Variants in TMED3 observed in about 807,000 individuals in gnomAD.
The protein encoded by TMED3 is transmembrane p24 trafficking protein 3.
A neutral mutation model predicts 15.0 loss-of-function variants in TMED3; 9 were observed. The observed-to-expected ratio is 0.60, with a 90% CI of 0.36 to 1.04. TMED3 has a LOEUF of 1.04. Ranked by LOEUF, TMED3 falls within the 50% of genes least tolerant of loss-of-function variation. The probability of loss-of-function intolerance (pLI) is 0.01; values close to 1 mark genes in which losing one functional copy is unlikely to be tolerated. For synonymous variants in TMED3, 117 were observed against 121.4 expected (o/e 0.96, Z 0.24); for missense variants, 267 against 278.9 (o/e 0.96, Z 0.30).
At chr15:79,390,651 CA>C (rs779941210) in intron 2 of TMED3, among the ~76,000 whole-genome samples, 2 of 151,998 alleles carry the variant, frequency 1.3e-5, no homozygotes, top group Non-Finnish European at 2.9e-5. Context: ...GGAAGAGTGT[CA>C]AAAGGATTGG....
At chr15:79,318,051 G>C (rs1258335823) in intron 2 of TMED3, among the ~76,000 whole-genome samples, 1 of 152,154 alleles carries the variant, frequency 6.6e-6, no homozygotes. Flanking sequence ...CACCATGTCA[G>C]TCCCTGATCC....
In TMED3 at chr15:79,322,626, GCT is replaced by G. The variant is rs1270079490; in HGVS notation, c.*415_*416del. ...CCTATCCCATATGGAGAAGAAAGGG[GCT>G]CTAAGTTCTGGCTCTTCTTTCTTTG... On this transcript the variant is annotated 3_prime_UTR_variant, in exon 3 of 3. Coordinates refer to ENST00000299705, the MANE Select transcript of TMED3 (RefSeq NM_007364.4). 1 of 994,158 alleles carries G rather than the reference GCT, an allele frequency of 1.0e-6. No individual in the cohort carries two copies. Among genetic ancestry groups the G allele is most frequent in the Non-Finnish European group, 1.2e-6 (1 of 836,370 alleles). 61.6% of individuals were successfully genotyped at this position (994,158 alleles called of 1,614,324 possible). A position where few individuals can be genotyped will look rare whatever the true frequency, so the allele number is the denominator to read the frequency against.
chr15:79,315,128 G>T (rs2058735395), intron 2 of TMED3, among the ~76,000 whole-genome samples: 1 of 152,192 alleles, frequency 6.6e-6, no homozygotes, highest in Admixed American at 6.5e-5. Context: ...TTCCTCTGTG[G>T]CTCTGGGCAC....
intron 2 of TMED3, among the ~76,000 whole-genome samples, chr15:79,330,456 A>G (rs566387881): frequency 1.6e-4 from 25 of 152,278 alleles, no homozygotes; most frequent in African/African-American, 6.0e-4. Context: ...TAAATAAAAT[A>G]CCTAGGTATA....
intron 2 of TMED3, among the ~76,000 whole-genome samples, chr15:79,361,226 G>C (rs1230535859): frequency 6.6e-6 from 1 of 152,054 alleles, no homozygotes; most frequent in Non-Finnish European, 1.5e-5. Flanking sequence ...ATTTGCTGGT[G>C]GTGTGGATTA....
intron 2 of TMED3, among the ~76,000 whole-genome samples, chr15:79,370,490 G>A (rs1360347322): frequency 6.6e-6 from 1 of 151,998 alleles, no homozygotes; most frequent in Non-Finnish European, 1.5e-5. Context: ...TGCTTCCCCG[G>A]TCACATGGGT....
At chr15:79,327,450 G>A (rs2058791456), downstream of TMED3, among the ~76,000 whole-genome samples, 1 of 152,170 alleles carries the variant, frequency 6.6e-6, no homozygotes, top group Non-Finnish European at 1.5e-5. Flanking sequence ...GAACAAAACT[G>A]CAAATACACA....
At chr15:79,336,376 G>A (rs1313942516) in intron 2 of TMED3, among the ~76,000 whole-genome samples, 1 of 152,086 alleles carries the variant, frequency 6.6e-6, no homozygotes, top group African/African-American at 2.4e-5. Flanking sequence ...ACTACATTAG[G>A]GCTGGGCACA....
At chr15:79,324,105 T>C (rs556175927), downstream of TMED3, among the ~76,000 whole-genome samples, 4 of 152,252 alleles carry the variant, frequency 2.6e-5, no homozygotes, top group South Asian at 2.1e-4. Context: ...ATTCTCCTGC[T>C]TCAGCCTCCC....
chr15:79,398,068 G>C (rs1449602185), intron 2 of TMED3, among the ~76,000 whole-genome samples: 1 of 152,130 alleles, frequency 6.6e-6, no homozygotes, highest in Admixed American at 6.5e-5. Context: ...AATGCATAAT[G>C]ACATGTATCC....
intron 2 of TMED3, among the ~76,000 whole-genome samples, chr15:79,359,790 A>C (rs1469966580): frequency 1.3e-5 from 2 of 152,170 alleles, no homozygotes; most frequent in African/African-American, 4.8e-5. Context: ...GTGAGTAAAT[A>C]CAAGTAAAGC....
intron 2 of TMED3, among the ~76,000 whole-genome samples, chr15:79,406,967 C>T: frequency 6.6e-6 from 1 of 152,192 alleles, no homozygotes; most frequent in Non-Finnish European, 1.5e-5. Context: ...AGACAGTGGC[C>T]ACTGAGCTTC....
intron 1 of TMED3, 47 bp downstream of exon 1, chr15:79,311,464 G>A: frequency 6.4e-7 from 1 of 1,567,288 alleles, no homozygotes; most frequent in South Asian, 1.2e-5. Context: ...CCACTCCCAG[G>A]TCTCACCTGG....
chr15:79,344,872 TAGG>T (rs2058863800), intron 2 of TMED3, among the ~76,000 whole-genome samples: 1 of 152,188 alleles, frequency 6.6e-6, no homozygotes, highest in Non-Finnish European at 1.5e-5. Flanking sequence ...CAATGTTTTA[TAGG>T]AGTTTAACTT....
At chr15:79,390,088 C>T (rs1893678018) in intron 2 of TMED3, among the ~76,000 whole-genome samples, 1 of 152,106 alleles carries the variant, frequency 6.6e-6, no homozygotes, top group South Asian at 2.1e-4. Context: ...ATTTCTTTCT[C>T]TTGTCTGATT....
chr15:79,360,143 G>A (rs1165986865), intron 2 of TMED3, among the ~76,000 whole-genome samples: 1 of 152,188 alleles, frequency 6.6e-6, no homozygotes, highest in Non-Finnish European at 1.5e-5. Flanking sequence ...GTAGCCATGG[G>A]ATCCGAGAAC....
intron 2 of TMED3, among the ~76,000 whole-genome samples, chr15:79,380,468 T>TAC (rs1893506280): frequency 6.8e-6 from 1 of 147,434 alleles, no homozygotes; most frequent in Non-Finnish European, 1.5e-5. Flanking sequence ...TATATATGGT[T>TAC]ATATATAGTT....
At chr15:79,352,628 A>G (rs1198867443) in intron 2 of TMED3, among the ~76,000 whole-genome samples, 1 of 148,630 alleles carries the variant, frequency 6.7e-6, no homozygotes, top group East Asian at 2.0e-4. Flanking sequence ...TGTGACTAAG[A>G]TTTCTCAAAG....
intron 2 of TMED3, among the ~76,000 whole-genome samples, chr15:79,377,609 G>GT (rs1893449294): frequency 6.6e-6 from 1 of 150,882 alleles, no homozygotes; most frequent in African/African-American, 2.4e-5. Context: ...TAAGGCAAAC[G>GT]ATCATCTTTA....
Sources: gnomAD v4.1 joint callset for allele counts (sites outside exome capture counted in the v4.1 genomes callset) on GRCh38, gnomAD v4.1.1 for gene constraint, MANE v1.5 for transcripts, NCBI Gene and HGNC (gene_info 2026-07-23, HGNC 2026-07-21) for gene names.